MPPED2: variants seen among roughly 807,000 people sequenced by gnomAD.
MPPED2 encodes metallophosphoesterase domain containing 2.
In MPPED2, 5 loss-of-function variants were observed where a neutral mutation model predicts 33.0. The observed-to-expected ratio is 0.15, with a 90% CI of 0.08 to 0.32. The LOEUF (loss-of-function observed/expected upper bound fraction) is 0.32. Among genes scored for constraint, MPPED2 ranks in the 10% least tolerant of loss-of-function variants. The pLI, the probability that MPPED2 is intolerant of heterozygous loss-of-function variation, is 1.00. For missense variants in MPPED2, 275 were observed against 372.1 expected (o/e 0.74, Z 2.15); for synonymous variants, 136 against 141.9 (o/e 0.96, Z 0.29).
chr11:30,481,081 T>C (rs1293404762), intron 4 of MPPED2, among the ~76,000 whole-genome samples: 1 of 152,152 alleles, frequency 6.6e-6, no homozygotes, highest in Non-Finnish European at 1.5e-5. Context: ...TTACAGTAGC[T>C]AATACTGTAG....
chr11:30,451,335 T>A (rs888005800), intron 4 of MPPED2, among the ~76,000 whole-genome samples: 1 of 152,210 alleles, frequency 6.6e-6, no homozygotes, highest in East Asian at 1.9e-4. Context: ...GCCCCTCTTG[T>A]CTAAGGACCT....
At chr11:30,527,126 T>G (rs141463883) in intron 3 of MPPED2, among the ~76,000 whole-genome samples, 79 of 151,944 alleles carry the variant, frequency 5.2e-4, no homozygotes, top group African/African-American at 1.5e-3. Flanking sequence ...GAGACGGGGT[T>G]TCACCGTGTT....
chr11:30,544,963 G>C (rs1432245296), intron 2 of MPPED2, among the ~76,000 whole-genome samples: 1 of 152,220 alleles, frequency 6.6e-6, no homozygotes, highest in Non-Finnish European at 1.5e-5. Context: ...AGGCCATCTA[G>C]AGAACTATTA....
intron 2 of MPPED2, among the ~76,000 whole-genome samples, chr11:30,572,089 C>T (rs1956718661): frequency 6.6e-6 from 1 of 151,990 alleles, no homozygotes. Context: ...GTTCTTTATC[C>T]CTACAAATGT....
At chr11:30,535,739 T>G (rs1385499529) in intron 3 of MPPED2, among the ~76,000 whole-genome samples, 3 of 152,124 alleles carry the variant, frequency 2.0e-5, no homozygotes, top group Admixed American at 6.5e-5. Context: ...ATGAGTGAGA[T>G]GAGATGGGTT....
Position 30,415,331 on chromosome 11 carries a change from A to G in MPPED2, c.653-990T>C, listed in dbSNP as rs146850909. 2.0e-5 allele frequency among the ~76,000 whole-genome samples: 3 copies of G among 152,366 alleles called. No individual in the cohort carries two copies. The East Asian group carries it at 5.8e-4, about 29-fold the overall frequency. ...AGCAAAAATCTATCCAGCGTTTTCA[A>G]AACTTTTTTAATAGTGGGGCAGAAT... On this transcript the variant is annotated intron_variant, in intron 5 of 6. Transcript: ENST00000358117.
intron 2 of MPPED2, among the ~76,000 whole-genome samples, chr11:30,536,743 C>T (rs567165429): frequency 6.6e-6 from 1 of 151,086 alleles, no homozygotes; most frequent in East Asian, 1.9e-4. Flanking sequence ...CAAATCAAAC[C>T]GTAGGGAGAG....
rs116314354 is a variant in MPPED2, at chr11:30,533,163, T to C, written c.310+2831A>G. ...CACACTTTGGAGTCAGACAGCCCCA[T>C]GTCTACTAGCTGAGTGTACTTGGGT... On this transcript the variant is annotated intron_variant, in intron 3 of 6. Transcript: ENST00000358117. Among the ~76,000 whole-genome samples the C allele has an allele frequency of 7.4e-3, 1,134 of 152,272 alleles. 19 individuals are homozygous for C. Among genetic ancestry groups the C allele is most frequent in the African/African-American group, 0.026 (1,096 of 41,538 alleles).
At chr11:30,558,160 T>A (rs1370276422) in intron 2 of MPPED2, among the ~76,000 whole-genome samples, 1 of 152,138 alleles carries the variant, frequency 6.6e-6, no homozygotes, top group African/African-American at 2.4e-5. Flanking sequence ...ATATATTTTG[T>A]ATGTATTTTA....
At chr11:30,417,045 TAAAATTATCAGCTC>T (rs1272874261) in intron 5 of MPPED2, among the ~76,000 whole-genome samples, 3 of 152,194 alleles carry the variant, frequency 2.0e-5, no homozygotes, top group Admixed American at 2.0e-4. Flanking sequence ...GATTCTTTTC[TAAAATTATCAGCTC>T]AAATGTTAAA....
intron 4 of MPPED2, among the ~76,000 whole-genome samples, chr11:30,475,372 T>C (rs508429): frequency 0.98 from 149,029 of 152,246 alleles, 72,996 homozygotes; most frequent in Middle Eastern, 1. Flanking sequence ...CATACTATAA[T>C]GAAGACACAA....
intron 4 of MPPED2, among the ~76,000 whole-genome samples, chr11:30,461,178 CG>C (rs1241177685): frequency 6.6e-6 from 1 of 151,938 alleles, no homozygotes; most frequent in Non-Finnish European, 1.5e-5. Flanking sequence ...TTCGTATAGA[CG>C]GAAGGTAGAA....
chr11:30,559,027 C>T (rs1009793011), intron 2 of MPPED2, among the ~76,000 whole-genome samples: 1 of 152,002 alleles, frequency 6.6e-6, no homozygotes, highest in African/African-American at 2.4e-5. Context: ...ATCTTTAAAG[C>T]TAGACCAAAG....
At chr11:30,510,185 G>T (rs760984412) in intron 3 of MPPED2, among the ~76,000 whole-genome samples, 1 of 151,914 alleles carries the variant, frequency 6.6e-6, no homozygotes, top group Non-Finnish European at 1.5e-5. Flanking sequence ...GTACTATCAC[G>T]GTTTAAGGCC....
Position 30,502,854 on chromosome 11 carries a change from A to C in MPPED2, c.311-7333T>G, listed in dbSNP as rs184340955. Among the ~76,000 whole-genome samples, 275 of 152,302 alleles carry C rather than the reference A, an allele frequency of 1.8e-3. 1 individual carries two copies. Among genetic ancestry groups the C allele is most frequent in the African/African-American group, 6.3e-3 (262 of 41,568 alleles). Reference sequence around the variant, plus strand: ...TAGCTTGCCCCTCTCCCTCAATACAAGTTAATGTTCCTCAAAAATAAGTAT... The same window carrying C: ...TAGCTTGCCCCTCTCCCTCAATACACGTTAATGTTCCTCAAAAATAAGTAT... On this transcript the variant is annotated intron_variant, in intron 3 of 6. Transcript: ENST00000358117.
chr11:30,548,592 T>C (rs7945750), intron 2 of MPPED2, among the ~76,000 whole-genome samples: 34,851 of 152,112 alleles, frequency 0.23, 4,320 homozygotes, highest in East Asian at 0.42. Context: ...ATTATTGAGA[T>C]TCTTCTATGA....
intron 4 of MPPED2, among the ~76,000 whole-genome samples, chr11:30,462,626 C>T (rs866197575): frequency 6.6e-6 from 1 of 152,082 alleles, no homozygotes; most frequent in South Asian, 2.1e-4. Flanking sequence ...ATCTATTTTC[C>T]TGGACTGGAT....
chr11:30,457,596 C>A (rs889712851), intron 4 of MPPED2, among the ~76,000 whole-genome samples: 1 of 152,066 alleles, frequency 6.6e-6, no homozygotes, highest in African/African-American at 2.4e-5. Context: ...CATGTAAGAT[C>A]GTATTTAATC....
At chr11:30,473,034 A>C (rs1432981298) in intron 4 of MPPED2, among the ~76,000 whole-genome samples, 1 of 152,134 alleles carries the variant, frequency 6.6e-6, no homozygotes. Flanking sequence ...TTTGGTGTAA[A>C]ACAGATTTCT....
Sources: gnomAD v4.1 joint callset for allele counts (sites outside exome capture counted in the v4.1 genomes callset) on GRCh38, gnomAD v4.1.1 for gene constraint, MANE v1.5 for transcripts, NCBI Gene and HGNC (gene_info 2026-07-23, HGNC 2026-07-21) for gene names.